Variants in SPATA1 observed in about 807,000 individuals in gnomAD.
The protein encoded by SPATA1 is spermatogenesis associated 1.
In SPATA1, 57 loss-of-function variants were observed where a neutral mutation model predicts 59.6. The ratio of observed to expected loss-of-function variants is 0.96; its 90% CI spans 0.77 to 1.19. The LOEUF (loss-of-function observed/expected upper bound fraction) is 1.19. Among genes scored for constraint, SPATA1 ranks in the 50% most tolerant of loss-of-function variants. The probability of loss-of-function intolerance (pLI) is 0.00; values close to 1 mark genes in which losing one functional copy is unlikely to be tolerated. For synonymous variants in SPATA1, 147 were observed against 163.9 expected (o/e 0.90, Z 0.79); for missense variants, 448 against 480.7 (o/e 0.93, Z 0.64).
intron 6 of SPATA1, among the ~76,000 whole-genome samples, chr1:84,532,516 C>A (rs1383185375): frequency 6.6e-6 from 1 of 151,886 alleles, no homozygotes; most frequent in Non-Finnish European, 1.5e-5. Flanking sequence ...AATTATATTT[C>A]AGGAAACCCC....
intron 6 of SPATA1, among the ~76,000 whole-genome samples, chr1:84,530,884 G>A (rs185096618): frequency 4.6e-5 from 7 of 152,194 alleles, no homozygotes; most frequent in African/African-American, 9.6e-5. Context: ...TGTACATACC[G>A]TATTCTTTGC....
rs755431271 is a variant in SPATA1 at position 84,563,263 on chromosome 1, G to C, written n.443-2598G>C. On this transcript the variant is annotated intron_variant and non_coding_transcript_variant, in intron 4 of 4. Coordinates refer to the SPATA1 transcript ENST00000460286. ...AACTTACGAAAAGTCTTACTTTATAGTTATAATAAGGAGCCCGCTGATCTT... is the reference window on the plus strand; with the variant it reads ...AACTTACGAAAAGTCTTACTTTATACTTATAATAAGGAGCCCGCTGATCTT... 7.8e-6 allele frequency: 12 copies of C among 1,528,700 alleles called. No homozygotes were observed. The South Asian group carries it at 1.3e-4, about 16-fold the overall frequency. 94.7% of individuals were successfully genotyped at this position (1,528,700 alleles called of 1,614,324 possible). A position where few individuals can be genotyped will look rare whatever the true frequency, so the allele number is the denominator to read the frequency against.
intron 4 of SPATA1, among the ~76,000 whole-genome samples, chr1:84,524,222 A>C (rs1193866742): frequency 1.3e-5 from 2 of 152,208 alleles, no homozygotes; most frequent in Non-Finnish European, 2.9e-5. Flanking sequence ...CAGAGAAAAT[A>C]GGTTAAGCAC....
At chr1:84,515,217 A>G (rs1023711171) in intron 1 of SPATA1, among the ~76,000 whole-genome samples, 1 of 152,160 alleles carries the variant, frequency 6.6e-6, no homozygotes, top group Non-Finnish European at 1.5e-5. Context: ...TTTTGGATAG[A>G]TATATAAATA....
chr1:84,520,674 T>C lies in SPATA1; in HGVS notation c.126T>C (p.Ile42=), dbSNP rs766739298. 2.6e-6 allele frequency: 4 copies of C among 1,562,832 alleles called. No individual in the cohort carries two copies. The African/African-American group carries it at 5.5e-5, about 21-fold the overall frequency. The stretch of plus-strand genomic sequence containing the variant: ...CAACAGAAGTTGTTAACAAATTCAT[T>C]TCAGCTGGATTTCTAAGGCAAGTGT... Residue 42 remains isoleucine, a synonymous_variant, in exon 3 of 13, where the codon ATT becomes ATC. Coordinates refer to ENST00000490879, the Ensembl canonical transcript of SPATA1.
rs1684236891 is a variant in SPATA1 at position 84,550,469 on chromosome 1, CA to C, written c.1165del (p.Ile389LeufsTer8). 6.4e-7 allele frequency: 1 copy of C among 1,565,034 alleles called. No individual in the cohort carries two copies. The highest frequency in any genetic ancestry group is 1.8e-5 in the Admixed American group (1 of 54,858). On this transcript the variant is annotated frameshift_variant, in exon 12 of 13. Coordinates refer to ENST00000490879, the Ensembl canonical transcript of SPATA1. LOFTEE classifies it high-confidence loss of function. The stretch of plus-strand genomic sequence containing the variant: ...ATCCAGATCACTGAGGTACAGCATG[CA>C]ATTGACCAGCTTAAGAGAAAACTAG...
Position 84,524,834 on chromosome 1 carries a change from GTTTATTTA to G in SPATA1, c.262-853_262-846del, listed in dbSNP as rs561037554. Among the ~76,000 whole-genome samples the G allele has an allele frequency of 6.8e-4, 103 of 152,090 alleles. No individual in the cohort carries two copies. The East Asian group carries it at 0.014, about 20-fold the overall frequency. On this transcript the variant is annotated intron_variant, in intron 4 of 12. Coordinates refer to ENST00000490879, the Ensembl canonical transcript of SPATA1. ...AACATGTATCACCATCCTAAATTGA[GTTTATTTA>G]TTTATTTAATATCTGGTTTCCCAAG...
intron 4 of SPATA1, among the ~76,000 whole-genome samples, chr1:84,560,316 T>C (rs1465877772): frequency 6.6e-6 from 1 of 152,132 alleles, no homozygotes; most frequent in Admixed American, 6.5e-5. Flanking sequence ...AGAGAGGTCC[T>C]ACCCCATACC....
chr1:84,545,272 A>G (rs1684051659), intron 9 of SPATA1, among the ~76,000 whole-genome samples: 2 of 149,526 alleles, frequency 1.3e-5, no homozygotes, highest in South Asian at 4.2e-4. Context: ...TATAATCCTA[A>G]AATATACATT....
downstream of SPATA1, among the ~76,000 whole-genome samples, chr1:84,558,728 C>T (rs1188048204): frequency 6.6e-6 from 1 of 151,684 alleles, no homozygotes; most frequent in African/African-American, 2.4e-5. Context: ...TAGAAAGACC[C>T]CGTCTCTACA....
At chr1:84,508,230 G>T (rs1682364548) in intron 1 of SPATA1, among the ~76,000 whole-genome samples, 1 of 151,576 alleles carries the variant, frequency 6.6e-6, no homozygotes, top group South Asian at 2.1e-4. Context: ...GTTGCAGTGA[G>T]CCGAGATGGC....
chr1:84,555,188 G>A, downstream of SPATA1: 3 of 1,612,156 alleles, frequency 1.9e-6, no homozygotes, highest in Non-Finnish European at 2.5e-6. Context: ...GATGAAAGTG[G>A]CCAGCAGGAT....
chr1:84,566,895 A>G (rs1033000146), downstream of SPATA1, among the ~76,000 whole-genome samples: 1 of 152,182 alleles, frequency 6.6e-6, no homozygotes, highest in Non-Finnish European at 1.5e-5. Context: ...TCAGCCTCCC[A>G]AAGTGCTTAC....
chr1:84,565,808 A>C (rs764043260), intron 4 of SPATA1, 53 bp from the exon 14 acceptor site: 1 of 1,176,022 alleles, frequency 8.5e-7, no homozygotes, highest in Non-Finnish European at 1.1e-6. Context: ...TATTATTAAT[A>C]TTATTAATAA....
chr1:84,542,530 C>T (rs760391909), intron 8 of SPATA1, among the ~76,000 whole-genome samples: 24 of 152,050 alleles, frequency 1.6e-4, no homozygotes, highest in Non-Finnish European at 2.6e-4. Flanking sequence ...TTTTCCACTT[C>T]AGGTAGAGCC....
intron 1 of SPATA1, among the ~76,000 whole-genome samples, chr1:84,511,926 C>T (rs1040300399): frequency 4.6e-5 from 7 of 152,122 alleles, no homozygotes; most frequent in Non-Finnish European, 1.0e-4. Flanking sequence ...AGGGGATCCA[C>T]CCGCCTCGGC....
At chr1:84,542,655 T>C (rs1683952258) in intron 8 of SPATA1, among the ~76,000 whole-genome samples, 1 of 152,156 alleles carries the variant, frequency 6.6e-6, no homozygotes. Context: ...CACTCTGATC[T>C]AGTAGTCTTT....
chr1:84,553,671 A>G (rs953391875), exon 13 of SPATA1: 6 of 152,192 alleles, frequency 3.9e-5, no homozygotes, highest in Non-Finnish European at 5.9e-5. Flanking sequence ...GTGATCCAAC[A>G]TATACTATGA....
chr1:84,508,861 A>G (rs1170805080), intron 1 of SPATA1, among the ~76,000 whole-genome samples: 2 of 152,214 alleles, frequency 1.3e-5, no homozygotes, highest in African/African-American at 4.8e-5. Flanking sequence ...TTAACCAAGG[A>G]AGTTAAAGAT....
Sources: allele counts gnomAD v4.1 joint callset (sites outside exome capture counted in the v4.1 genomes callset), GRCh38; gene constraint gnomAD v4.1.1; transcripts MANE v1.5; gene names NCBI Gene and HGNC (gene_info 2026-07-23, HGNC 2026-07-21).